Variants in DYNC2H1 observed in about 807,000 individuals in gnomAD.
DYNC2H1 encodes the protein cytoplasmic dynein 2 heavy chain 1.
Under a neutral mutation model 570.0 loss-of-function variants are expected in DYNC2H1, and 410 were observed. The ratio of observed to expected loss-of-function variants is 0.72; its 90% CI spans 0.66 to 0.78. The LOEUF is 0.78. Among genes scored for constraint, DYNC2H1 ranks in the 30% least tolerant of loss-of-function variants. The pLI is 0.00. For missense variants in DYNC2H1, 4,865 were observed against 5,046.4 expected, an observed-to-expected ratio of 0.96 and a Z score of 1.09; for synonymous variants, 1,688 against 1,677.6, an observed-to-expected ratio of 1.01 and a Z score of -0.15.
chr11:103,376,924 A>AT (rs749382958), intron 83 of DYNC2H1, among the ~76,000 whole-genome samples: 2 of 151,900 alleles, frequency 1.3e-5, no homozygotes. Context: ...TTGTTGACTG[A>AT]TTTTTTTCTC....
chr11:103,118,612 A>G (rs1193640797), intron 6 of DYNC2H1, among the ~76,000 whole-genome samples: 1 of 152,136 alleles, frequency 6.6e-6, no homozygotes, highest in Non-Finnish European at 1.5e-5. Context: ...CAACAAAATG[A>G]CGATAATTCC....
At chr11:103,349,485 C>T (rs1939935353) in intron 82 of DYNC2H1, among the ~76,000 whole-genome samples, 1 of 152,084 alleles carries the variant, frequency 6.6e-6, no homozygotes, top group African/African-American at 2.4e-5. Context: ...AAAGTATCAT[C>T]TCAAGGCAGA....
intron 70 of DYNC2H1, among the ~76,000 whole-genome samples, chr11:103,273,292 C>T (rs1865781662): frequency 6.6e-6 from 1 of 151,868 alleles, no homozygotes; most frequent in East Asian, 1.9e-4. Flanking sequence ...TGAGCTAAAG[C>T]CATCCTCCCA....
rs1470722959 is a variant in DYNC2H1, at chr11:103,472,496, A to G, written c.12765+3791A>G. 1.3e-5 allele frequency among the ~76,000 whole-genome samples: 2 copies of G among 152,202 alleles called. No homozygotes were observed. Among genetic ancestry groups the G allele is most frequent in the Non-Finnish European group, 2.9e-5 (2 of 68,024 alleles). Reference sequence around the variant, plus strand: ...ATAGATTGGCACACTGTGAGATACAATTATACTGGCGTCTCATAACAATCC... The same window carrying G: ...ATAGATTGGCACACTGTGAGATACAGTTATACTGGCGTCTCATAACAATCC... On this transcript the variant is annotated intron_variant, in intron 88 of 88. Transcript: ENST00000375735. This position sits in a 1 kb window ranked among gnomAD's most constrained non-coding sequence, Gnocchi z 4.1.
At chr11:103,179,554 ATATGAGCTAATAT>A (rs1861763893) in intron 39 of DYNC2H1, among the ~76,000 whole-genome samples, 1 of 151,858 alleles carries the variant, frequency 6.6e-6, no homozygotes. Context: ...TTATGAGCTA[ATATGAGCTAATAT>A]TATGAGCTAA....
At position 103,139,352 on chromosome 11, in the gene DYNC2H1, G is replaced by C. The variant is rs867798777; in HGVS notation, c.2574+3404G>C. ...TCCTGCTTTCTCTTGTGGGCATTTA[G>C]TGCTATAAATTTCCCTGTACACACT... On this transcript the variant is annotated intron_variant, in intron 17 of 88. Transcript: ENST00000375735. Among the ~76,000 whole-genome samples, 443 of 151,504 alleles carry C rather than the reference G, an allele frequency of 2.9e-3. 1 individual carries two copies. Among genetic ancestry groups the C allele is most frequent in the Middle Eastern group, 0.01 (3 of 290 alleles).
Position 103,186,176 on chromosome 11 carries a change from G to T in DYNC2H1, c.6634-66G>T. On this transcript the variant is annotated intron_variant, in intron 41 of 88. Coordinates refer to ENST00000375735, the MANE Select transcript of DYNC2H1 (RefSeq NM_001377.3). The surrounding 1 kb of genome is among the most constrained non-coding windows in gnomAD (Gnocchi z 4.5). ...GATTTACTTTTGGGATATTTACTTGGAAGAATTTTAAAATGTCACACACTC... is the reference window on the plus strand; with the variant it reads ...GATTTACTTTTGGGATATTTACTTGTAAGAATTTTAAAATGTCACACACTC... The T allele has an allele frequency of 6.8e-7, 1 of 1,463,702 alleles. No homozygotes were observed. The allele number at this position is 1,463,702 out of a possible 1,614,324, so 90.7% of individuals were successfully genotyped here. A position where few individuals can be genotyped will look rare whatever the true frequency, so the allele number is the denominator to read the frequency against.
chr11:103,230,199 C>T lies in DYNC2H1; in HGVS notation c.9354-1061C>T, dbSNP rs556058340. On this transcript the variant is annotated intron_variant, in intron 59 of 88. Coordinates refer to ENST00000375735, the MANE Select transcript of DYNC2H1 (RefSeq NM_001377.3). ...GATTCCCAGTGTTTTGTATGTTACCCCATATTTTTAGGGAGTTAGGAAGCT... is the reference window on the plus strand; with the variant it reads ...GATTCCCAGTGTTTTGTATGTTACCTCATATTTTTAGGGAGTTAGGAAGCT... Among the ~76,000 whole-genome samples, 3 of 152,214 alleles carry T rather than the reference C, an allele frequency of 2.0e-5. No homozygotes were observed. In the South Asian group the frequency reaches 6.2e-4, roughly 32 times the overall value.
At chr11:103,321,330 A>C (rs937137591) in intron 81 of DYNC2H1, 93 bp downstream of exon 81, 10 of 1,153,718 alleles carry the variant, frequency 8.7e-6, no homozygotes, top group Non-Finnish European at 1.3e-5. Context: ...TTTCAAATGC[A>C]CAAGTAATTA....
chr11:103,478,473 C>T (rs188409333), intron 88 of DYNC2H1, among the ~76,000 whole-genome samples: 65 of 152,212 alleles, frequency 4.3e-4, no homozygotes, highest in East Asian at 1.9e-3. Context: ...ACCACCTATG[C>T]GGTATTTTCC....
rs368263037 is a variant in DYNC2H1 at position 103,159,041 on chromosome 11, T to C, written c.4378+14T>C. 7 of 1,585,488 alleles carry C rather than the reference T, an allele frequency of 4.4e-6. No homozygotes were observed. In the Admixed American group the frequency reaches 5.1e-5, roughly 11 times the overall value. On this transcript the variant is annotated intron_variant, in intron 28 of 88. Transcript: ENST00000375735. Reference sequence around the variant, plus strand: ...AGCTTTTTGCTGGTAGGATTCAACATTTATTTAACAGATATTTATTGAGTT... The same window carrying C: ...AGCTTTTTGCTGGTAGGATTCAACACTTATTTAACAGATATTTATTGAGTT...
intron 25 of DYNC2H1, among the ~76,000 whole-genome samples, chr11:103,156,013 G>C (rs1274474990): frequency 1.3e-5 from 2 of 152,122 alleles, no homozygotes; most frequent in African/African-American, 4.8e-5. Context: ...TAAGATTACA[G>C]TATAATTTCT....
Position 103,177,792 on chromosome 11 carries a change from T to C in DYNC2H1, c.6111T>C (p.Ser2037=), listed in dbSNP as rs749414223. Residue 2037 remains serine, a synonymous_variant, in exon 38 of 89, where the codon AGT becomes AGC. Coordinates refer to ENST00000375735, the MANE Select transcript of DYNC2H1 (RefSeq NM_001377.3). The surrounding 1 kb of genome is among the most constrained non-coding windows in gnomAD (Gnocchi z 4.4). Reference sequence around the variant, plus strand: ...GGTCTGATGGTGTTTTGACAAATAGTGCTCGTCAAGTGGTTCGGGAACCTC... The same window carrying C: ...GGTCTGATGGTGTTTTGACAAATAGCGCTCGTCAAGTGGTTCGGGAACCTC... ...REWSDGVLTN[S]ARQVVREPQD... 2.7e-5 allele frequency: 44 copies of C among 1,612,148 alleles called. No individual in the cohort carries two copies. Among genetic ancestry groups the C allele is most frequent in the Non-Finnish European group, 3.5e-5 (41 of 1,179,274 alleles).
rs148658780 is a variant in DYNC2H1 at position 103,462,431 on chromosome 11, G to C, written c.12648+6075G>C. Among the ~76,000 whole-genome samples the C allele has an allele frequency of 3.7e-4, 56 of 152,184 alleles. 1 individual carries two copies. In the East Asian group the frequency reaches 0.01, roughly 28 times the overall value. ...TTTAGTCATGCTAACATTGATTCAT[G>C]TGTACAGGCAGTGACAGCCTCATTC... is the stretch of plus-strand genomic sequence containing the variant. On this transcript the variant is annotated intron_variant, in intron 87 of 88. Coordinates refer to ENST00000375735, the MANE Select transcript of DYNC2H1 (RefSeq NM_001377.3).
chr11:103,476,577 TGGTG>T (rs2135871468), intron 88 of DYNC2H1, among the ~76,000 whole-genome samples: 1 of 152,254 alleles, frequency 6.6e-6, no homozygotes, highest in Admixed American at 6.5e-5. Context: ...TTAGGACAGA[TGGTG>T]TTTTTATCTA....
At chr11:103,187,199 T>C in intron 42 of DYNC2H1, 141 bp from the exon 43 acceptor site, 1 of 1,163,908 alleles carries the variant, frequency 8.6e-7, no homozygotes, top group Non-Finnish European at 1.2e-6. Flanking sequence ...ATGGAAGCCA[T>C]ATCTGTATTT....
At chr11:103,336,486 CTG>C (rs950609469) in intron 82 of DYNC2H1, among the ~76,000 whole-genome samples, 12 of 136,116 alleles carry the variant, frequency 8.8e-5, no homozygotes, top group Admixed American at 8.6e-4. Context: ...CCTCTGGTAA[CTG>C]TTATTCTACT....
intron 12 of DYNC2H1, among the ~76,000 whole-genome samples, chr11:103,126,855 G>A (rs1859028876): frequency 6.6e-6 from 1 of 152,118 alleles, no homozygotes; most frequent in African/African-American, 2.4e-5. Context: ...AGCCAGGATG[G>A]TCTCAATCTC....
rs972925349 is a variant in DYNC2H1 at position 103,334,554 on chromosome 11, CT to C, written c.12039+10569del. Among the ~76,000 whole-genome samples, 1 of 151,820 alleles carries C rather than the reference CT, an allele frequency of 6.6e-6. No homozygotes were observed. Among genetic ancestry groups the C allele is most frequent in the African/African-American group, 2.4e-5 (1 of 41,328 alleles). On this transcript the variant is annotated intron_variant, in intron 82 of 88. Coordinates refer to ENST00000375735, the MANE Select transcript of DYNC2H1 (RefSeq NM_001377.3). The surrounding 1 kb of genome is among the most constrained non-coding windows in gnomAD (Gnocchi z 4.3). ...AACAGTTTTAGTTGGCATTTTATTA[CT>C]TTTTAAAATAAATTCAAAGTTCAGT...
Sources: gnomAD v4.1 joint callset for allele counts (sites outside exome capture counted in the v4.1 genomes callset) on GRCh38, gnomAD v4.1.1 for gene constraint, Gnocchi (gnomAD v3.1) non-coding constraint, MANE v1.5 for transcripts, NCBI Gene and HGNC (gene_info 2026-07-23, HGNC 2026-07-21) for gene names.